Variants in SPOCK1 observed in about 807,000 individuals in gnomAD.
SPOCK1 encodes SPARC (osteonectin), cwcv and kazal like domains proteoglycan 1.
A neutral mutation model predicts 55.3 loss-of-function variants in SPOCK1; 23 were observed. The observed-to-expected ratio is 0.42, with a 90% CI of 0.30 to 0.59. SPOCK1 has a LOEUF of 0.59. SPOCK1 is among the 20% of genes least tolerant of loss of function. The probability of loss-of-function intolerance (pLI) is 0.22; values close to 1 mark genes in which losing one functional copy is unlikely to be tolerated. For missense variants in SPOCK1, 499 were observed against 552.5 expected (o/e 0.90, Z 0.97); for synonymous variants, 226 against 221.0 (o/e 1.02, Z -0.20).
At chr5:137,315,437 A>G (rs1757861399) in intron 2 of SPOCK1, among the ~76,000 whole-genome samples, 1 of 152,194 alleles carries the variant, frequency 6.6e-6, no homozygotes, top group Non-Finnish European at 1.5e-5. Context: ...TGAAGCAGAT[A>G]TGGCATCCCA....
At chr5:137,281,905 G>C (rs17171288) in intron 2 of SPOCK1, among the ~76,000 whole-genome samples, 3,696 of 152,306 alleles carry the variant, frequency 0.024, 158 homozygotes, top group African/African-American at 0.084. Flanking sequence ...TAACGGTTCT[G>C]TTTCCTGGTC....
intron 6 of SPOCK1, among the ~76,000 whole-genome samples, chr5:137,003,077 A>T (rs1280721070): frequency 6.6e-6 from 1 of 152,234 alleles, no homozygotes; most frequent in African/African-American, 2.4e-5. Flanking sequence ...TGCTCAAATT[A>T]TATATACCAT....
intron 2 of SPOCK1, among the ~76,000 whole-genome samples, chr5:137,449,668 G>A (rs963923063): frequency 6.6e-6 from 1 of 152,002 alleles, no homozygotes; most frequent in Admixed American, 6.6e-5. Context: ...GTAGGAGGAT[G>A]GCTTGAGCCC....
chr5:137,492,723 A>G lies in SPOCK1; in HGVS notation c.186+5650T>C, dbSNP rs114453870. Among the ~76,000 whole-genome samples, 1,090 of 152,340 alleles carry G rather than the reference A, an allele frequency of 7.2e-3. 9 individuals are homozygous for G. Among genetic ancestry groups the G allele is most frequent in the African/African-American group, 0.025 (1,029 of 41,584 alleles). On this transcript the variant is annotated intron_variant, in intron 2 of 10. Transcript: ENST00000394945. ...GGGGGAGGGCACAATGAGAGTGTGC[A>G]TGTAGACCAGAAACCTGCGAGAGTG... is the stretch of plus-strand genomic sequence containing the variant.
At chr5:137,088,397 A>G (rs911670781) in intron 5 of SPOCK1, among the ~76,000 whole-genome samples, 1 of 152,212 alleles carries the variant, frequency 6.6e-6, no homozygotes, top group African/African-American at 2.4e-5. Flanking sequence ...CACATACTTG[A>G]AAGACGAACG....
At chr5:137,055,649 G>A (rs771721380) in intron 6 of SPOCK1, among the ~76,000 whole-genome samples, 17 of 152,204 alleles carry the variant, frequency 1.1e-4, no homozygotes, top group Non-Finnish European at 2.2e-4. Flanking sequence ...TAAATGTTCT[G>A]TGTTCTCACA....
chr5:137,302,688 A>G (rs1757624441), intron 2 of SPOCK1, among the ~76,000 whole-genome samples: 1 of 152,222 alleles, frequency 6.6e-6, no homozygotes, highest in African/African-American at 2.4e-5. Context: ...GGAAATAAAC[A>G]TATATACACA....
chr5:137,218,846 G>A (rs1015358067), intron 3 of SPOCK1, among the ~76,000 whole-genome samples: 44 of 152,084 alleles, frequency 2.9e-4, no homozygotes, highest in Non-Finnish European at 8.8e-5. Context: ...ACCACCAAAG[G>A]TAACTAGCTG....
At chr5:137,310,275 TCTCC>T (rs1376852866) in intron 2 of SPOCK1, among the ~76,000 whole-genome samples, 2 of 152,098 alleles carry the variant, frequency 1.3e-5, no homozygotes, top group African/African-American at 4.8e-5. Flanking sequence ...AGTTCCTGTC[TCTCC>T]CATTTAAATG....
intron 2 of SPOCK1, among the ~76,000 whole-genome samples, chr5:137,452,459 T>C (rs1276428464): frequency 2.0e-5 from 3 of 152,208 alleles, no homozygotes; most frequent in South Asian, 2.1e-4. Context: ...GCATTGACTA[T>C]TACCTACTGC....
intron 5 of SPOCK1, among the ~76,000 whole-genome samples, chr5:137,095,059 G>GGAAC (rs1753118250): frequency 6.6e-6 from 1 of 152,082 alleles, no homozygotes; most frequent in African/African-American, 2.4e-5. Flanking sequence ...GAGAGACAAG[G>GGAAC]GAACGGCTGG....
At chr5:137,437,682 A>G (rs964257784) in intron 2 of SPOCK1, among the ~76,000 whole-genome samples, 3 of 152,252 alleles carry the variant, frequency 2.0e-5, no homozygotes, top group Non-Finnish European at 4.4e-5. Flanking sequence ...GTAAAGATCA[A>G]ATCAGTGTAC....
At chr5:137,477,369 G>GT (rs371366624) in intron 2 of SPOCK1, among the ~76,000 whole-genome samples, 4 of 151,850 alleles carry the variant, frequency 2.6e-5, no homozygotes, top group South Asian at 2.1e-4. Context: ...TTTTGTTTGT[G>GT]TTTTTTTTAA....
chr5:137,127,720 C>T (rs1182241181), intron 4 of SPOCK1, among the ~76,000 whole-genome samples: 1 of 152,198 alleles, frequency 6.6e-6, no homozygotes, highest in African/African-American at 2.4e-5. Flanking sequence ...AATCCTATAC[C>T]TATCCCACAA....
At chr5:137,066,164 A>C (rs1423081158) in intron 6 of SPOCK1, among the ~76,000 whole-genome samples, 1 of 152,124 alleles carries the variant, frequency 6.6e-6, no homozygotes, top group Non-Finnish European at 1.5e-5. Context: ...TTTGAGATGG[A>C]GTCTCACTCT....
chr5:137,008,154 G>A (rs909025391), intron 6 of SPOCK1, among the ~76,000 whole-genome samples: 4 of 151,706 alleles, frequency 2.6e-5, no homozygotes, highest in African/African-American at 7.3e-5. Flanking sequence ...TGGGGGGCAA[G>A]GGGAAGAATA....
intron 5 of SPOCK1, among the ~76,000 whole-genome samples, chr5:137,071,057 C>CT (rs1292378040): frequency 6.8e-5 from 10 of 146,182 alleles, no homozygotes; most frequent in African/African-American, 2.3e-4. Flanking sequence ...GGGTCTCACT[C>CT]TGTCACCCTG....
intron 3 of SPOCK1, among the ~76,000 whole-genome samples, chr5:137,150,006 C>T (rs1467725852): frequency 8.5e-5 from 13 of 152,144 alleles, no homozygotes; most frequent in Non-Finnish European, 2.9e-5. Context: ...ACAGTTCATG[C>T]TCATTTATTA....
intron 2 of SPOCK1, among the ~76,000 whole-genome samples, chr5:137,376,520 A>AG (rs1751321857): frequency 6.6e-6 from 1 of 152,246 alleles, no homozygotes; most frequent in East Asian, 1.9e-4. Context: ...CCTCAGCCGT[A>AG]GAGCTCCCCA....
Sources: gnomAD v4.1 joint callset for allele counts (sites outside exome capture counted in the v4.1 genomes callset) on GRCh38, gnomAD v4.1.1 for gene constraint, MANE v1.5 for transcripts, NCBI Gene and HGNC (gene_info 2026-07-23, HGNC 2026-07-21) for gene names.